KRTAP26-1: variants seen among roughly 807,000 people sequenced by gnomAD.
KRTAP26-1 encodes keratin associated protein 26-1.
For missense variants in KRTAP26-1, 273 were observed against 260.9 expected, an observed-to-expected ratio of 1.05 and a Z score of -0.32; for synonymous variants, 111 against 103.3, an observed-to-expected ratio of 1.07 and a Z score of -0.45.
Position 30,319,460 on chromosome 21 carries a change from A to G in KRTAP26-1, c.576T>C (p.Gly192=). Residue 192 remains glycine (G), a synonymous_variant, in exon 1 of 1, where the codon GGT becomes GGC. Coordinates refer to ENST00000360542, the MANE Select transcript of KRTAP26-1 (RefSeq NM_203405.2). ...TGAACACATGGGTCAGAGGTTGGCA[A>G]CCACTGAACAGAGGCCCCAGAGGTC... The part of the protein sequence containing the change: ...SLRPLGPLFS[G]CQPLTHVFST... 6.2e-7 allele frequency: 1 copy of G among 1,613,902 alleles called. No homozygotes were observed. Among genetic ancestry groups the G allele is most frequent in the Non-Finnish European group, 8.5e-7 (1 of 1,179,894 alleles).
Position 30,319,495 on chromosome 21 carries a change from T to G in KRTAP26-1, c.541A>C (p.Ser181Arg). The G allele has an allele frequency of 6.2e-7, 1 of 1,613,976 alleles. No homozygotes were observed. The highest frequency in any genetic ancestry group is 8.5e-7 in the Non-Finnish European group (1 of 1,179,976). Residue 181 changes from serine (S) to arginine (R), a missense_variant, in exon 1 of 1, where the codon AGC becomes CGC. Transcript: ENST00000360542. Reference protein sequence around the residue: ...YRPQSLHVVSSSLRPLGPLFS... With the variant: ...YRPQSLHVVSRSLRPLGPLFS... Reference sequence around the variant, plus strand: ...AGAGGCCCCAGAGGTCTGAGGCTGCTGGACACAACGTGAAGACTTTGAGGA... The same window carrying G: ...AGAGGCCCCAGAGGTCTGAGGCTGCGGGACACAACGTGAAGACTTTGAGGA...
chr21:30,319,719 GAACTGGAGAAGAAAGAAGCAGGAAGAA>G lies in KRTAP26-1; in HGVS notation c.290_316del (p.Phe97_Ser105del). The G allele has an allele frequency of 6.2e-7, 1 of 1,614,104 alleles. No homozygotes were observed. Among genetic ancestry groups the G allele is most frequent in the Non-Finnish European group, 8.5e-7 (1 of 1,179,982 alleles). On this transcript the variant is annotated inframe_deletion, in exon 1 of 1. Transcript: ENST00000360542. The stretch of plus-strand genomic sequence containing the variant: ...TGGTCTACAGGATACTGGAAGGCAG[GAACTGGAGAAGAAAGAAGCAGGAAGAA>G]AACTGCTTCCTTGGCAAGGCCTGGG...
the KRTAP26-1 span, chr21:30,319,935 AC>A: frequency 6.2e-7 from 1 of 1,614,144 alleles, no homozygotes; most frequent in Non-Finnish European, 8.5e-7. Context: ...TCCACAGCTC[AC>A]GCTGGTAGGG....
chr21:30,320,271 A>G lies in KRTAP26-1; in HGVS notation c.-236T>C, dbSNP rs1399599351. 4.6e-6 allele frequency: 2 copies of G among 430,990 alleles called. No homozygotes were observed. Among genetic ancestry groups the G allele is most frequent in the Non-Finnish European group, 8.6e-6 (2 of 232,542 alleles). 26.7% of individuals were successfully genotyped at this position (430,990 alleles called of 1,614,324 possible). ...GCAATGCCATCCATTGATTACGTCTATCTATAAACCAATGCGACTGAGTTT... is the reference window on the plus strand; with the variant it reads ...GCAATGCCATCCATTGATTACGTCTGTCTATAAACCAATGCGACTGAGTTT... On this transcript the variant is annotated 5_prime_UTR_variant, in exon 1 of 1. Transcript: ENST00000360542.
In KRTAP26-1 at chr21:30,319,703, G is replaced by A. The variant is rs1169401340; in HGVS notation, c.333C>T (p.Ser111=). The change falls in exon 1 of 1, where the codon TCC becomes TCT. Residue 111 remains serine, a synonymous_variant. Coordinates refer to ENST00000360542, the MANE Select transcript of KRTAP26-1 (RefSeq NM_203405.2). The part of the protein sequence containing the change: ...SFFSSSCLPV[S]CRPQRYVSSG... ...TGGACACATACCTCTGTGGTCTACA[G>A]GATACTGGAAGGCAGGAACTGGAGA... The A allele has an allele frequency of 1.2e-6, 2 of 1,614,080 alleles. No individual in the cohort carries two copies. The highest frequency in any genetic ancestry group is 4.5e-5 in the East Asian group (2 of 44,866).
chr21:30,319,931 G>T lies in KRTAP26-1; in HGVS notation c.105C>A (p.Ser35Arg). 6.2e-7 allele frequency: 1 copy of T among 1,614,138 alleles called. No homozygotes were observed. The highest frequency in any genetic ancestry group is 8.5e-7 in the Non-Finnish European group (1 of 1,179,990). The part of the protein sequence containing the change: ...TSIDLCPTSV[S>R]CGDVLYLPTS... ...TGGGTAAGTAGAGGACATCTCCACA[G>T]CTCACGCTGGTAGGGCAGAGGTCGA... Residue 35 changes from serine (S) to arginine (R), a missense_variant, in exon 1 of 1, where the codon AGC becomes AGA. Ser to Arg is a moderately radical substitution (Grantham distance 110). Transcript: ENST00000360542.
chr21:30,320,132 A>T lies in KRTAP26-1; in HGVS notation c.-97T>A. The stretch of plus-strand genomic sequence containing the variant: ...AGCTTGACCCTTTATTTATCCCTAG[A>T]AGGTGGTGCTTCTGCGTGCAGACTC... On this transcript the variant is annotated 5_prime_UTR_variant, in exon 1 of 1. Coordinates refer to ENST00000360542, the MANE Select transcript of KRTAP26-1 (RefSeq NM_203405.2). 2.0e-6 allele frequency: 2 copies of T among 1,012,564 alleles called. No individual in the cohort carries two copies. 62.7% of individuals were successfully genotyped at this position (1,012,564 alleles called of 1,614,324 possible).
chr21:30,319,863 TC>T, the KRTAP26-1 span: 1 of 1,614,154 alleles, frequency 6.2e-7, no homozygotes, highest in South Asian at 1.1e-5. Context: ...ACCGCAGGTC[TC>T]TTGGCAGTTG....
chr21:30,320,000 G>T lies in KRTAP26-1; in HGVS notation c.36C>A (p.Asn12Lys). The T allele has an allele frequency of 6.2e-7, 1 of 1,610,436 alleles. No individual in the cohort carries two copies. Among genetic ancestry groups the T allele is most frequent in the South Asian group, 1.1e-5 (1 of 90,648 alleles). ...GGCGGGAGGTTCTGAGAGATCCTGA[G>T]TTGGAGTTTCCCGAGCAGTAGTTGG... Reference protein sequence around the residue: ...SCPNYCSGNSNSGSLRTSRHI... With the variant: ...SCPNYCSGNSKSGSLRTSRHI... Residue 12 changes from asparagine to lysine, a missense_variant, in exon 1 of 1, where the codon AAC becomes AAA. Coordinates refer to ENST00000360542, the MANE Select transcript of KRTAP26-1 (RefSeq NM_203405.2).
At position 30,320,061 on chromosome 21, in the gene KRTAP26-1, G is replaced by C; in HGVS notation, c.-26C>G. ...AGTGAGGTTGTGAGAGCAGGCTGAA[G>C]TTGAGGCAAAGAAGTGAGTGTCTGA... On this transcript the variant is annotated 5_prime_UTR_variant, in exon 1 of 1. Coordinates refer to ENST00000360542, the MANE Select transcript of KRTAP26-1 (RefSeq NM_203405.2). 1 of 1,525,820 alleles carries C rather than the reference G, an allele frequency of 6.6e-7. No individual in the cohort carries two copies. Among genetic ancestry groups the C allele is most frequent in the East Asian group, 2.3e-5 (1 of 43,146 alleles). 94.5% of individuals were successfully genotyped at this position (1,525,820 alleles called of 1,614,324 possible). A position where few individuals can be genotyped will look rare whatever the true frequency, so the allele number is the denominator to read the frequency against.
In KRTAP26-1 at chr21:30,319,773, A is replaced by T; in HGVS notation, c.263T>A (p.Val88Glu). The T allele has an allele frequency of 1.2e-6, 2 of 1,613,996 alleles. No individual in the cohort carries two copies. Among genetic ancestry groups the T allele is most frequent in the Non-Finnish European group, 1.7e-6 (2 of 1,179,956 alleles). Residue 88 changes from valine (V) to glutamate (E), a missense_variant, in exon 1 of 1, where the codon GTG (valine) becomes GAG (glutamate). Coordinates refer to ENST00000360542, the MANE Select transcript of KRTAP26-1 (RefSeq NM_203405.2). ...TSCGSSTAYY[V>E]PRPCQGSSFL... ...ACTGCTTCCTTGGCAAGGCCTGGGCACGTAGTAAGCAGTGGAAGAACCGCA... is the reference window on the plus strand; with the variant it reads ...ACTGCTTCCTTGGCAAGGCCTGGGCTCGTAGTAAGCAGTGGAAGAACCGCA...
Position 30,320,099 on chromosome 21 carries a change from C to A in KRTAP26-1, c.-64G>T, listed in dbSNP as rs576817023. ...AGTGAGTGTCTGAAGTTTGTTCTGC[C>A]CTTCCTTAGCTTGACCCTTTATTTA... is the stretch of plus-strand genomic sequence containing the variant. On this transcript the variant is annotated 5_prime_UTR_variant, in exon 1 of 1. Transcript: ENST00000360542. 4.6e-3 allele frequency: 6,256 copies of A among 1,353,538 alleles called. 29 individuals are homozygous for A. Among genetic ancestry groups the A allele is most frequent in the Non-Finnish European group, 5.7e-3 (5,754 of 1,003,080 alleles). The allele number at this position is 1,353,538 out of a possible 1,614,324, so 83.8% of individuals were successfully genotyped here. A position where few individuals can be genotyped will look rare whatever the true frequency, so the allele number is the denominator to read the frequency against.
In KRTAP26-1 at chr21:30,319,305, T is replaced by C. The variant is rs546909070; in HGVS notation, c.*98A>G. 43 of 1,206,802 alleles carry C rather than the reference T, an allele frequency of 3.6e-5. No individual in the cohort carries two copies. The highest frequency in any genetic ancestry group is 3.5e-6 in the Non-Finnish European group (3 of 866,520). 74.8% of individuals were successfully genotyped at this position (1,206,802 alleles called of 1,614,324 possible). The stretch of plus-strand genomic sequence containing the variant: ...TCAGGCACAGTAAAACTAAGAAACA[T>C]CAGTTGCTACTAGCAAAGAAGCAAA... On this transcript the variant is annotated 3_prime_UTR_variant, in exon 1 of 1. Transcript: ENST00000360542.
At position 30,320,195 on chromosome 21, in the gene KRTAP26-1, T is replaced by G; in HGVS notation, c.-160A>C. Reference sequence around the variant, plus strand: ...TATGAAGATGCATCAGAACTCTTTATTATAGCCAAGGAAGTGAGGCTTCCA... The same window carrying G: ...TATGAAGATGCATCAGAACTCTTTAGTATAGCCAAGGAAGTGAGGCTTCCA... On this transcript the variant is annotated 5_prime_UTR_variant, in exon 1 of 1. Transcript: ENST00000360542. The G allele has an allele frequency of 1.7e-6, 1 of 580,462 alleles. No individual in the cohort carries two copies. Among genetic ancestry groups the G allele is most frequent in the Non-Finnish European group, 3.0e-6 (1 of 331,896 alleles). The allele number at this position is 580,462 out of a possible 1,614,324, so 36.0% of individuals were successfully genotyped here.
Position 30,319,482 on chromosome 21 carries a change from G to A in KRTAP26-1, c.554C>T (p.Pro185Leu). Residue 185 changes from proline to leucine, a missense_variant, in exon 1 of 1, where the codon CCT becomes CTT. Physicochemically the swap from Pro to Leu is moderately conservative, Grantham distance 98 (BLOSUM62 -3). Transcript: ENST00000360542. ...SLHVVSSSLR[P>L]LGPLFSGCQP... ...GCAACCACTGAACAGAGGCCCCAGAGGTCTGAGGCTGCTGGACACAACGTG... is the reference window on the plus strand; with the variant it reads ...GCAACCACTGAACAGAGGCCCCAGAAGTCTGAGGCTGCTGGACACAACGTG... The A allele has an allele frequency of 6.2e-7, 1 of 1,613,926 alleles. No homozygotes were observed. The highest frequency in any genetic ancestry group is 8.5e-7 in the Non-Finnish European group (1 of 1,179,914).
chr21:30,319,916 G>T lies in KRTAP26-1; in HGVS notation c.120C>A (p.Leu40=). Residue 40 remains leucine (L), a synonymous_variant, in exon 1 of 1, where the codon CTC becomes CTA. Transcript: ENST00000360542. ...CPTSVSCGDV[L]YLPTSSQDHT... ...GGTCTTGAGAGCTAGTGGGTAAGTAGAGGACATCTCCACAGCTCACGCTGG... is the reference window on the plus strand; with the variant it reads ...GGTCTTGAGAGCTAGTGGGTAAGTATAGGACATCTCCACAGCTCACGCTGG... 6.2e-7 allele frequency: 1 copy of T among 1,614,142 alleles called. No homozygotes were observed. Among genetic ancestry groups the T allele is most frequent in the Non-Finnish European group, 8.5e-7 (1 of 1,180,014 alleles).
rs1981659429 is a variant in KRTAP26-1 at position 30,320,227 on chromosome 21, A to G, written c.-192T>C. 2 of 508,718 alleles carry G rather than the reference A, an allele frequency of 3.9e-6. No homozygotes were observed. Among genetic ancestry groups the G allele is most frequent in the Non-Finnish European group, 7.1e-6 (2 of 279,904 alleles). 31.5% of individuals were successfully genotyped at this position (508,718 alleles called of 1,614,324 possible). ...CAAGGAAGTGAGGCTTCCACCCTCC[A>G]TAAAACTGGATGCTCCTTGCAATGC... On this transcript the variant is annotated 5_prime_UTR_variant, in exon 1 of 1. It removes an upstream start codon present in the reference 5' UTR. Transcript: ENST00000360542.
Position 30,319,228 on chromosome 21 carries a change from A to G in KRTAP26-1, c.*175T>C, listed in dbSNP as rs1236488916. On this transcript the variant is annotated 3_prime_UTR_variant, in exon 1 of 1. Transcript: ENST00000360542. ...ATTGTAAACTAATTTTTTTGATGTC[A>G]AGGAAAGATGAAAACAAGATAAAAC... is the stretch of plus-strand genomic sequence containing the variant. The G allele has an allele frequency of 1.7e-6, 1 of 578,068 alleles. No individual in the cohort carries two copies. The highest frequency in any genetic ancestry group is 2.9e-6 in the Non-Finnish European group (1 of 349,830). 35.8% of individuals were successfully genotyped at this position (578,068 alleles called of 1,614,324 possible).
Position 30,320,239 on chromosome 21 carries a change from G to C in KRTAP26-1, c.-204C>G, listed in dbSNP as rs1272264343. On this transcript the variant is annotated 5_prime_UTR_variant, in exon 1 of 1. Coordinates refer to ENST00000360542, the MANE Select transcript of KRTAP26-1 (RefSeq NM_203405.2). ...GCTTCCACCCTCCATAAAACTGGAT[G>C]CTCCTTGCAATGCCATCCATTGATT... The C allele has an allele frequency of 4.0e-6, 2 of 494,002 alleles. No homozygotes were observed. The highest frequency in any genetic ancestry group is 3.8e-5 in the African/African-American group (2 of 52,306). The allele number at this position is 494,002 out of a possible 1,614,324, so 30.6% of individuals were successfully genotyped here.
Sources: gnomAD v4.1 joint callset for allele counts on GRCh38, gnomAD v4.1.1 for gene constraint, MANE v1.5 for transcripts, NCBI Gene and HGNC (gene_info 2026-07-23, HGNC 2026-07-21) for gene names.